Variants in SLC25A21 observed in about 807,000 individuals in gnomAD.
The protein encoded by SLC25A21 is mitochondrial 2-oxodicarboxylate carrier.
Under a neutral mutation model 43.8 loss-of-function variants are expected in SLC25A21, and 47 were observed. The observed-to-expected ratio is 1.07, with a 90% CI of 0.85 to 1.37. The LOEUF is 1.37. Among genes scored for constraint, SLC25A21 ranks in the 40% most tolerant of loss-of-function variants. The pLI is 0.00. For missense variants in SLC25A21, 352 were observed against 350.2 expected (o/e 1.00, Z -0.04); for synonymous variants, 131 against 121.3 (o/e 1.08, Z -0.52).
intron 3 of SLC25A21, among the ~76,000 whole-genome samples, chr14:36,789,880 T>TTATATAAAATATATATTATATATA (rs1887410942): frequency 8.2e-6 from 1 of 121,586 alleles, no homozygotes; most frequent in African/African-American, 3.2e-5. Context: ...TATTATATAT[T>TTATATAAAATATATATTATATATA]TATATAAAAT....
intron 4 of SLC25A21, among the ~76,000 whole-genome samples, chr14:36,730,710 G>A (rs1255648169): frequency 6.6e-6 from 1 of 152,162 alleles, no homozygotes; most frequent in African/African-American, 2.4e-5. Flanking sequence ...TGAATGTAGA[G>A]TTTTCTAAAA....
chr14:36,770,318 T>G (rs992381565), intron 3 of SLC25A21, among the ~76,000 whole-genome samples: 1 of 152,102 alleles, frequency 6.6e-6, no homozygotes, highest in African/African-American at 2.4e-5. Flanking sequence ...CGCTAAATAT[T>G]TAGTACTCAT....
At chr14:36,797,300 T>C (rs1489817031) in intron 3 of SLC25A21, among the ~76,000 whole-genome samples, 1 of 152,122 alleles carries the variant, frequency 6.6e-6, no homozygotes, top group African/African-American at 2.4e-5. Flanking sequence ...CTTTCAAACA[T>C]GACATTCAAA....
chr14:36,963,625 T>C (rs1363264831), intron 1 of SLC25A21, among the ~76,000 whole-genome samples: 1 of 152,190 alleles, frequency 6.6e-6, no homozygotes, highest in East Asian at 1.9e-4. Context: ...ACGGGGCCGC[T>C]ACAACCTTTA....
chr14:36,947,515 G>T (rs1252236934), intron 1 of SLC25A21, among the ~76,000 whole-genome samples: 1 of 152,108 alleles, frequency 6.6e-6, no homozygotes, highest in Non-Finnish European at 1.5e-5. Flanking sequence ...AAGAAAGGCT[G>T]GGTTTTTGCT....
At chr14:37,014,136 T>C (rs1477807820) in intron 1 of SLC25A21, among the ~76,000 whole-genome samples, 7 of 152,124 alleles carry the variant, frequency 4.6e-5, no homozygotes, top group Non-Finnish European at 8.8e-5. Context: ...TTGCTGAAGA[T>C]TGGGGCAGCT....
At chr14:36,782,512 A>G (rs112803984) in intron 3 of SLC25A21, among the ~76,000 whole-genome samples, 26 of 152,218 alleles carry the variant, frequency 1.7e-4, no homozygotes, top group African/African-American at 6.3e-4. Flanking sequence ...TGGTATTGCT[A>G]TCTTTGCATT....
At chr14:37,095,097 T>C (rs1233322585) in intron 1 of SLC25A21, among the ~76,000 whole-genome samples, 1 of 152,190 alleles carries the variant, frequency 6.6e-6, no homozygotes, top group Non-Finnish European at 1.5e-5. Context: ...TTAAAATAAA[T>C]AAATATTATT....
At chr14:36,877,792 A>T (rs1357317249) in intron 1 of SLC25A21, among the ~76,000 whole-genome samples, 1 of 152,122 alleles carries the variant, frequency 6.6e-6, no homozygotes. Flanking sequence ...CTAGGGTTGA[A>T]GGCAGGGTAT....
At chr14:37,113,033 G>C (rs1425324521) in intron 1 of SLC25A21, among the ~76,000 whole-genome samples, 1 of 152,108 alleles carries the variant, frequency 6.6e-6, no homozygotes, top group Non-Finnish European at 1.5e-5. Context: ...ACAAGAGTTA[G>C]AATCTTCAGG....
intron 1 of SLC25A21, among the ~76,000 whole-genome samples, chr14:37,052,927 T>C (rs954611851): frequency 3.8e-4 from 58 of 152,318 alleles, no homozygotes; most frequent in African/African-American, 1.4e-3. Context: ...TATGAGCCTT[T>C]GCATCTGGCC....
intron 7 of SLC25A21, among the ~76,000 whole-genome samples, chr14:36,708,231 A>G (rs1883662003): frequency 6.6e-5 from 10 of 152,238 alleles, no homozygotes. Flanking sequence ...TTATAACAAC[A>G]TAAAAAATTA....
At chr14:37,117,325 A>C (rs1963123909) in intron 1 of SLC25A21, among the ~76,000 whole-genome samples, 1 of 152,162 alleles carries the variant, frequency 6.6e-6, no homozygotes, top group African/African-American at 2.4e-5. Context: ...AATGGTGAAA[A>C]ATTTATTCCC....
At chr14:36,771,488 G>A (rs117416820) in intron 3 of SLC25A21, among the ~76,000 whole-genome samples, 4 of 152,206 alleles carry the variant, frequency 2.6e-5, no homozygotes, top group East Asian at 3.9e-4. Flanking sequence ...GAGTGGCAAT[G>A]AAATACAGTG....
chr14:37,060,423 A>AATGATG (rs555730600), intron 1 of SLC25A21, among the ~76,000 whole-genome samples: 3 of 136,314 alleles, frequency 2.2e-5, no homozygotes, highest in African/African-American at 5.2e-5. Context: ...TAATAATAAT[A>AATGATG]ATGATGTAAC....
intron 1 of SLC25A21, among the ~76,000 whole-genome samples, chr14:37,022,475 G>A (rs938982571): frequency 2.6e-5 from 4 of 151,834 alleles, no homozygotes; most frequent in Admixed American, 2.6e-4. Flanking sequence ...CAGTCACTTG[G>A]GGTTAACAAA....
intron 1 of SLC25A21, among the ~76,000 whole-genome samples, chr14:37,045,461 T>G (rs1270227176): frequency 6.6e-6 from 1 of 152,152 alleles, no homozygotes; most frequent in Non-Finnish European, 1.5e-5. Flanking sequence ...TCACTAATAT[T>G]TCAAAATTGG....
intron 1 of SLC25A21, among the ~76,000 whole-genome samples, chr14:36,903,882 G>T (rs1355010563): frequency 6.6e-6 from 1 of 151,112 alleles, no homozygotes; most frequent in Non-Finnish European, 1.5e-5. Context: ...ATTCTAAATC[G>T]AACTAAGCGC....
At chr14:36,872,509 G>A (rs1327200995) in intron 2 of SLC25A21, among the ~76,000 whole-genome samples, 2 of 152,170 alleles carry the variant, frequency 1.3e-5, no homozygotes, top group African/African-American at 4.8e-5. Context: ...CTCTCTGTTA[G>A]TGCCTAGGTG....
Sources: allele counts gnomAD v4.1 joint callset (sites outside exome capture counted in the v4.1 genomes callset), GRCh38; gene constraint gnomAD v4.1.1; transcripts MANE v1.5; gene names NCBI Gene and HGNC (gene_info 2026-07-23, HGNC 2026-07-21).